The following RNF111 variants were observed in gnomAD, a reference collection of about 807,000 sequenced individuals.
RNF111 encodes E3 ubiquitin-protein ligase Arkadia.
RNF111 carries 17 observed loss-of-function variants against 95.1 expected under a neutral mutation model. The ratio of observed to expected loss-of-function variants is 0.18; its 90% CI spans 0.12 to 0.27. The LOEUF (loss-of-function observed/expected upper bound fraction) is 0.27, where lower values mean the gene tolerates loss of function less well. Among genes scored for constraint, RNF111 ranks in the 10% least tolerant of loss-of-function variants. The pLI, the probability that RNF111 is intolerant of heterozygous loss-of-function variation, is 1.00. For synonymous variants in RNF111, 440 were observed against 414.8 expected, an observed-to-expected ratio of 1.06 and a Z score of -0.74; for missense variants, 1,189 against 1,210.4, an observed-to-expected ratio of 0.98 and a Z score of 0.26.
chr15:59,038,189 G>T (rs2041275175), intron 2 of RNF111, among the ~76,000 whole-genome samples: 1 of 152,094 alleles, frequency 6.6e-6, no homozygotes, highest in Admixed American at 6.6e-5. Flanking sequence ...GAGAGCATAG[G>T]ATCCTCATCT....
chr15:59,007,005 C>G (rs181405164), intron 1 of RNF111, among the ~76,000 whole-genome samples: 1 of 152,178 alleles, frequency 6.6e-6, no homozygotes, highest in Non-Finnish European at 1.5e-5. Context: ...CCAGGCTGGT[C>G]TTGAACTCCT....
At chr15:59,016,914 A>G (rs1213269115) in intron 1 of RNF111, among the ~76,000 whole-genome samples, 1 of 151,586 alleles carries the variant, frequency 6.6e-6, no homozygotes, top group Non-Finnish European at 1.5e-5. Flanking sequence ...CCTATTGTGA[A>G]CTGCATGTGA....
At chr15:59,027,105 A>C (rs946738276) in intron 1 of RNF111, among the ~76,000 whole-genome samples, 4 of 152,230 alleles carry the variant, frequency 2.6e-5, no homozygotes, top group African/African-American at 7.2e-5. Context: ...GCATGTTCTC[A>C]GAATTTGTCT....
intron 1 of RNF111, among the ~76,000 whole-genome samples, chr15:59,025,607 A>G (rs1464647407): frequency 6.6e-6 from 1 of 152,210 alleles, no homozygotes; most frequent in Admixed American, 6.5e-5. Flanking sequence ...CCTGTAGTAC[A>G]GGTATTATTT....
chr15:59,039,837 C>T (rs1160413710), intron 2 of RNF111, among the ~76,000 whole-genome samples: 5 of 152,096 alleles, frequency 3.3e-5, no homozygotes, highest in African/African-American at 1.2e-4. Context: ...CTGCCTCAGC[C>T]TCCTGAGTAG....
At chr15:59,047,775 C>T (rs1214209770) in intron 2 of RNF111, among the ~76,000 whole-genome samples, 2 of 151,802 alleles carry the variant, frequency 1.3e-5, no homozygotes, top group Admixed American at 6.6e-5. Context: ...AGTTTTTCGC[C>T]ATGTTGCCCA....
chr15:59,091,839 A>T (rs1019527799), intron 12 of RNF111, among the ~76,000 whole-genome samples: 4 of 152,140 alleles, frequency 2.6e-5, no homozygotes, highest in African/African-American at 9.7e-5. Flanking sequence ...CATTAGTTAG[A>T]TTCTCTTAAG....
intron 6 of RNF111, 146 bp from the exon 7 acceptor site, chr15:59,075,808 A>T: frequency 3.7e-6 from 3 of 812,476 alleles, no homozygotes; most frequent in Non-Finnish European, 5.7e-6. Context: ...GTTGGTGCTC[A>T]CTGGTTCTTC....
At chr15:59,094,681 A>G in intron 13 of RNF111, 102 bp from the exon 14 acceptor site, 2 of 702,794 alleles carry the variant, frequency 2.8e-6, no homozygotes, top group East Asian at 5.6e-5. Flanking sequence ...GAAGATGCTT[A>G]GTACCTTCAA....
intron 6 of RNF111, among the ~76,000 whole-genome samples, chr15:59,068,945 G>A (rs900616876): frequency 3.3e-5 from 5 of 151,862 alleles, no homozygotes; most frequent in Non-Finnish European, 7.4e-5. Flanking sequence ...TCTGTGGCGC[G>A]TGCCTGTAAT....
rs2079041003 is a variant in RNF111, at chr15:59,091,150, A to G, written c.2735A>G (p.Lys912Arg). 1.3e-6 allele frequency: 2 copies of G among 1,566,140 alleles called. No individual in the cohort carries two copies. Among genetic ancestry groups the G allele is most frequent in the African/African-American group, 2.7e-5 (2 of 73,906 alleles). The stretch of plus-strand genomic sequence containing the variant: ...AGATGTACATATCCACATAAATACA[A>G]AAAGGTAAGAATTTATTCTATGAAA... ...IERCTYPHKYKKRKLHCKQDG... is the reference protein window; with the variant it reads ...IERCTYPHKYRKRKLHCKQDG... The change falls in exon 12 of 14, where the codon AAA becomes AGA. Residue 912 changes from lysine to arginine, a missense_variant. Lys to Arg is a conservative substitution (Grantham distance 26). Around this residue, in one of 2 missense-constraint regions of RNF111, gnomAD observed 165 missense variants for 284.6 expected, o/e 0.58. Transcript: ENST00000348370.
intron 6 of RNF111, among the ~76,000 whole-genome samples, chr15:59,073,273 A>G (rs928645042): frequency 6.6e-6 from 1 of 152,174 alleles, no homozygotes; most frequent in Non-Finnish European, 1.5e-5. Flanking sequence ...TCAGCAGTTC[A>G]AGACCAGCGT....
intron 1 of RNF111, among the ~76,000 whole-genome samples, chr15:58,989,314 A>G (rs1360227052): frequency 1.3e-5 from 2 of 152,202 alleles, no homozygotes; most frequent in Admixed American, 6.5e-5. Context: ...GATTGTTTCT[A>G]AAGCCTTGAT....
At chr15:59,026,800 G>A (rs1354798655) in intron 1 of RNF111, among the ~76,000 whole-genome samples, 1 of 152,052 alleles carries the variant, frequency 6.6e-6, no homozygotes, top group African/African-American at 2.4e-5. Flanking sequence ...TCCCTGGGTG[G>A]GAACCTCTTA....
At chr15:59,091,034 CA>C (rs768324073) in intron 11 of RNF111, 24 bp from the exon 12 acceptor site, 1 of 1,389,444 alleles carries the variant, frequency 7.2e-7, no homozygotes, top group Admixed American at 1.7e-5. Context: ...TGGCTTTTAC[CA>C]GTCATTATAT....
intron 1 of RNF111, among the ~76,000 whole-genome samples, chr15:59,023,352 T>C (rs1181950696): frequency 6.6e-6 from 1 of 152,196 alleles, no homozygotes; most frequent in Non-Finnish European, 1.5e-5. Context: ...AATTTTTGCG[T>C]AACTGACATT....
At chr15:59,009,895 G>T (rs2141531620) in intron 1 of RNF111, among the ~76,000 whole-genome samples, 1 of 152,282 alleles carries the variant, frequency 6.6e-6, no homozygotes, top group South Asian at 2.1e-4. Context: ...AGTCAAGGCT[G>T]CAGTGAGCTG....
chr15:59,021,109 G>T (rs557281772), intron 1 of RNF111, among the ~76,000 whole-genome samples: 1 of 151,984 alleles, frequency 6.6e-6, no homozygotes, highest in Admixed American at 6.6e-5. Flanking sequence ...TCATTCTTAT[G>T]CCTCTGTGTC....
intron 6 of RNF111, among the ~76,000 whole-genome samples, chr15:59,068,233 A>G (rs1400260293): frequency 2.6e-5 from 4 of 151,488 alleles, no homozygotes; most frequent in Non-Finnish European, 5.9e-5. Flanking sequence ...AAACAACAAC[A>G]ACAACAAAAA....
Sources: allele counts gnomAD v4.1 joint callset (sites outside exome capture counted in the v4.1 genomes callset), GRCh38; gene constraint gnomAD v4.1.1; regional missense constraint gnomAD v4.1.1; transcripts MANE v1.5; gene names NCBI Gene and HGNC (gene_info 2026-07-23, HGNC 2026-07-21).